The following OPRD1 variants were observed in gnomAD, a reference collection of about 807,000 sequenced individuals.
The protein encoded by OPRD1 is delta-type opioid receptor.
Under a neutral mutation model 17.5 loss-of-function variants are expected in OPRD1, and 19 were observed. The ratio of observed to expected loss-of-function variants is 1.09; its 90% confidence interval spans 0.76 to 1.60. The LOEUF (loss-of-function observed/expected upper bound fraction) is 1.60, where lower values mean the gene tolerates loss of function less well. Among genes scored for constraint, OPRD1 ranks in the 40% most tolerant of loss-of-function variants. The pLI is 0.00. For missense variants in OPRD1, 483 were observed against 547.2 expected, an observed-to-expected ratio of 0.88 and a Z score of 1.17; for synonymous variants, 256 against 240.9, an observed-to-expected ratio of 1.06 and a Z score of -0.58.
chr1:28,870,231 T>G lies in OPRD1; in HGVS notation c.*6948T>G, dbSNP rs2089204900. On this transcript the variant is annotated 3_prime_UTR_variant, in exon 3 of 3. Transcript: ENST00000234961. ...GGCCATGCCTGCACCAACCCATGCTTCTTTTTTTTTTTCTTTCTTTCTTTC... is the reference window on the plus strand; with the variant it reads ...GGCCATGCCTGCACCAACCCATGCTGCTTTTTTTTTTTCTTTCTTTCTTTC... 1.3e-5 allele frequency: 2 copies of G among 150,598 alleles called. No homozygotes were observed. The highest frequency in any genetic ancestry group is 3.0e-5 in the Non-Finnish European group (2 of 67,566). 9.3% of individuals were successfully genotyped at this position (150,598 alleles called of 1,614,324 possible).
At chr1:28,822,314 G>GTAATGTAGGGAGCTTC (rs2088722297) in intron 1 of OPRD1, among the ~76,000 whole-genome samples, 2 of 152,116 alleles carry the variant, frequency 1.3e-5, no homozygotes, top group South Asian at 4.1e-4. Flanking sequence ...GGGCTGCTGT[G>GTAATGTAGGGAGCTTC]TAATGTAGGG....
At position 28,863,022 on chromosome 1, in the gene OPRD1, G is replaced by A. The variant is rs1438897467; in HGVS notation, c.858G>A (p.Leu286=). 6.2e-7 allele frequency: 1 copy of A among 1,608,310 alleles called. No individual in the cohort carries two copies. The highest frequency in any genetic ancestry group is 1.7e-5 in the Admixed American group (1 of 59,204). The change falls in exon 3 of 3, where the codon CTG becomes CTA. Residue 286 remains leucine (L), a synonymous_variant. Transcript: ENST00000234961. ...PIHIFVIVWT[L]VDIDRRDPLV... The stretch of plus-strand genomic sequence containing the variant: ...ACATCTTCGTCATCGTCTGGACGCT[G>A]GTGGACATCGACCGGCGCGACCCGC...
chr1:28,828,564 G>A (rs2088785649), intron 1 of OPRD1, among the ~76,000 whole-genome samples: 1 of 151,812 alleles, frequency 6.6e-6, no homozygotes, highest in Non-Finnish European at 1.5e-5. Context: ...GCTCATACCT[G>A]TAATCCCAGC....
At chr1:28,841,296 A>G (rs1056836467) in intron 1 of OPRD1, among the ~76,000 whole-genome samples, 1 of 152,256 alleles carries the variant, frequency 6.6e-6, no homozygotes, top group African/African-American at 2.4e-5. Flanking sequence ...TGTGAGAAGC[A>G]GATGAATGCT....
At chr1:28,816,222 C>T (rs918917359) in intron 1 of OPRD1, among the ~76,000 whole-genome samples, 6 of 152,158 alleles carry the variant, frequency 3.9e-5, no homozygotes, top group East Asian at 3.8e-4. Context: ...GACAGACATT[C>T]GTCAGCCAGT....
intron 1 of OPRD1, among the ~76,000 whole-genome samples, chr1:28,841,491 G>C (rs2088896035): frequency 6.6e-6 from 1 of 152,210 alleles, no homozygotes; most frequent in Non-Finnish European, 1.5e-5. Context: ...TGTGTTTTGG[G>C]TGAGCATCTA....
rs1347416480 is a variant in OPRD1, at chr1:28,869,331, C to A, written c.*6048C>A. The A allele has an allele frequency of 6.6e-6, 1 of 152,300 alleles. No individual in the cohort carries two copies. The highest frequency in any genetic ancestry group is 1.5e-5 in the Non-Finnish European group (1 of 68,188). 9.4% of individuals were successfully genotyped at this position (152,300 alleles called of 1,614,324 possible). A position where few individuals can be genotyped will look rare whatever the true frequency, so the allele number is the denominator to read the frequency against. ...ATTCAAAATGGGGCTTAGAGAGGAGCTGGAGGGGGCCCTCGAGGTGGACGT... is the reference window on the plus strand; with the variant it reads ...ATTCAAAATGGGGCTTAGAGAGGAGATGGAGGGGGCCCTCGAGGTGGACGT... On this transcript the variant is annotated 3_prime_UTR_variant, in exon 3 of 3. Coordinates refer to ENST00000234961, the MANE Select transcript of OPRD1 (RefSeq NM_000911.4).
intron 1 of OPRD1, among the ~76,000 whole-genome samples, chr1:28,822,243 C>T (rs142427580): frequency 1.4e-3 from 207 of 152,134 alleles, no homozygotes; most frequent in African/African-American, 4.7e-3. Context: ...GCCACCGCGC[C>T]CTGCTATTTC....
Position 28,866,791 on chromosome 1 carries a change from C to G in OPRD1, c.*3508C>G, listed in dbSNP as rs1302836398. On this transcript the variant is annotated 3_prime_UTR_variant, in exon 3 of 3. Coordinates refer to ENST00000234961, the MANE Select transcript of OPRD1 (RefSeq NM_000911.4). ...AACTTTTGTTCCTCCTGAAGCTCTC[C>G]AAATCTTCACGTTTCAGAATGTACT... is the stretch of plus-strand genomic sequence containing the variant. 6.6e-6 allele frequency: 1 copy of G among 152,144 alleles called. No individual in the cohort carries two copies. Among genetic ancestry groups the G allele is most frequent in the African/African-American group, 2.4e-5 (1 of 41,418 alleles). The allele number at this position is 152,144 out of a possible 1,614,324, so 9.4% of individuals were successfully genotyped here. A position where few individuals can be genotyped will look rare whatever the true frequency, so the allele number is the denominator to read the frequency against.
At chr1:28,854,843 G>A (rs1400731949) in intron 1 of OPRD1, among the ~76,000 whole-genome samples, 1 of 151,836 alleles carries the variant, frequency 6.6e-6, no homozygotes, top group Non-Finnish European at 1.5e-5. Flanking sequence ...GTAGAGACGG[G>A]GTTTCACCGT....
chr1:28,836,297 C>T (rs1474189220), intron 1 of OPRD1, among the ~76,000 whole-genome samples: 1 of 152,064 alleles, frequency 6.6e-6, no homozygotes, highest in Non-Finnish European at 1.5e-5. Context: ...GGGTGGATCA[C>T]AAGGTCAGGA....
intron 1 of OPRD1, among the ~76,000 whole-genome samples, chr1:28,836,433 G>C (rs2088853941): frequency 6.6e-6 from 1 of 150,568 alleles, no homozygotes; most frequent in Non-Finnish European, 1.5e-5. Context: ...AGAGTAGCTT[G>C]AACCTGGGAG....
At chr1:28,849,096 T>C (rs1247313104) in intron 1 of OPRD1, among the ~76,000 whole-genome samples, 2 of 152,042 alleles carry the variant, frequency 1.3e-5, no homozygotes, top group Admixed American at 1.3e-4. Flanking sequence ...CAGGACAAGA[T>C]ACCAAAGGTA....
chr1:28,847,046 C>T (rs562536616), intron 1 of OPRD1, among the ~76,000 whole-genome samples: 81 of 148,094 alleles, frequency 5.5e-4, no homozygotes, highest in African/African-American at 1.9e-3. Context: ...CTTTCCTTTC[C>T]CCTTTCCTGT....
rs2088989511 is a variant in OPRD1 at position 28,850,282 on chromosome 1, A to T, written c.228-8672A>T. 1.3e-5 allele frequency among the ~76,000 whole-genome samples: 2 copies of T among 152,066 alleles called. 1 individual carries two copies. Among genetic ancestry groups the T allele is most frequent in the South Asian group, 4.1e-4 (2 of 4,824 alleles). Reference sequence around the variant, plus strand: ...TGTGTAAGGAACACTTGAACCCAGGAGTTCGAGACCAGCCTAGGCAACATA... The same window carrying T: ...TGTGTAAGGAACACTTGAACCCAGGTGTTCGAGACCAGCCTAGGCAACATA... On this transcript the variant is annotated intron_variant, in intron 1 of 2. Coordinates refer to ENST00000234961, the MANE Select transcript of OPRD1 (RefSeq NM_000911.4).
In OPRD1 at chr1:28,864,476, C is replaced by A. The variant is rs1230578396; in HGVS notation, c.*1193C>A. 3.3e-5 allele frequency: 5 copies of A among 151,578 alleles called. No homozygotes were observed. The highest frequency in any genetic ancestry group is 9.7e-5 in the African/African-American group (4 of 41,240). The allele number at this position is 151,578 out of a possible 1,614,324, so 9.4% of individuals were successfully genotyped here. ...ACAGGACCTTGGTTGGAGTAGGGTC[C>A]CCAGAACTGAGTACTAATGGGGGCC... On this transcript the variant is annotated 3_prime_UTR_variant, in exon 3 of 3. Coordinates refer to ENST00000234961, the MANE Select transcript of OPRD1 (RefSeq NM_000911.4).
intron 1 of OPRD1, among the ~76,000 whole-genome samples, chr1:28,848,725 A>T (rs1239272890): frequency 6.6e-6 from 1 of 152,228 alleles, no homozygotes; most frequent in Non-Finnish European, 1.5e-5. Context: ...AGTGGTTACC[A>T]GATGTTGGCA....
chr1:28,839,915 AG>A (rs2124274288), intron 1 of OPRD1, among the ~76,000 whole-genome samples: 1 of 152,244 alleles, frequency 6.6e-6, no homozygotes, highest in South Asian at 2.1e-4. Context: ...AGACAGTGCA[AG>A]GGGAAGGGAG....
At chr1:28,858,612 C>G (rs1401358793) in intron 1 of OPRD1, among the ~76,000 whole-genome samples, 1 of 147,554 alleles carries the variant, frequency 6.8e-6, no homozygotes, top group Non-Finnish European at 1.5e-5. Context: ...ATGGCGCAAT[C>G]TCGGCTCACT....
Sources: gnomAD v4.1 joint callset for allele counts (sites outside exome capture counted in the v4.1 genomes callset) on GRCh38, gnomAD v4.1.1 for gene constraint, MANE v1.5 for transcripts, NCBI Gene and HGNC (gene_info 2026-07-23, HGNC 2026-07-21) for gene names.